Variants in TMEFF2 observed in about 807,000 individuals in gnomAD.
TMEFF2 encodes transmembrane protein with EGF like and two follistatin like domains 2, also known as tomoregulin-2.
TMEFF2 carries 28 observed loss-of-function variants against 53.8 expected under a neutral mutation model. That is an observed-to-expected ratio of 0.52 (90% CI 0.39 to 0.71). The LOEUF is 0.71. TMEFF2 is among the 30% of genes least tolerant of loss of function. The pLI is 0.00. For synonymous variants in TMEFF2, 162 were observed against 166.3 expected (o/e 0.97, Z 0.20); for missense variants, 353 against 455.2 (o/e 0.78, Z 2.04).
intron 4 of TMEFF2, among the ~76,000 whole-genome samples, chr2:192,080,637 G>A (rs556352203): frequency 6.6e-6 from 1 of 152,260 alleles, no homozygotes; most frequent in Non-Finnish European, 1.5e-5. Context: ...CACTGCAACT[G>A]CACAAATTTT....
intron 7 of TMEFF2, among the ~76,000 whole-genome samples, chr2:191,972,890 A>G (rs1270435132): frequency 1.3e-5 from 2 of 152,182 alleles, no homozygotes; most frequent in African/African-American, 4.8e-5. Context: ...GGGTATGTCT[A>G]CAGTAGAATT....
At position 192,024,790 on chromosome 2, in the gene TMEFF2, A is replaced by C. The variant is rs189430931; in HGVS notation, c.537-25582T>G. ...CATTTTAAATTAAGCATCTATTTCT[A>C]TGTCAATGACTGTTGAAATGCTGTA... On this transcript the variant is annotated intron_variant, in intron 5 of 9. Coordinates refer to ENST00000272771, the MANE Select transcript of TMEFF2 (RefSeq NM_016192.4). 9.8e-5 allele frequency among the ~76,000 whole-genome samples: 15 copies of C among 152,340 alleles called. No homozygotes were observed. In the East Asian group the frequency reaches 2.7e-3, roughly 27 times the overall value.
At chr2:192,127,471 T>C (rs1028310447) in intron 4 of TMEFF2, among the ~76,000 whole-genome samples, 10 of 152,144 alleles carry the variant, frequency 6.6e-5, no homozygotes, top group African/African-American at 2.4e-4. Flanking sequence ...ATGTAAAAAT[T>C]ATTGCATTTG....
chr2:192,118,383 C>T (rs1689467770), intron 4 of TMEFF2, among the ~76,000 whole-genome samples: 1 of 152,128 alleles, frequency 6.6e-6, no homozygotes, highest in South Asian at 2.1e-4. Flanking sequence ...GTAACTACTC[C>T]TCCATAATAG....
At chr2:192,049,549 G>A (rs2105894784) in intron 5 of TMEFF2, among the ~76,000 whole-genome samples, 1 of 152,278 alleles carries the variant, frequency 6.6e-6, no homozygotes, top group South Asian at 2.1e-4. Flanking sequence ...CCTGAGTGTG[G>A]AGACAGGAAT....
At chr2:192,106,717 A>G (rs921360809) in intron 4 of TMEFF2, among the ~76,000 whole-genome samples, 5 of 151,878 alleles carry the variant, frequency 3.3e-5, no homozygotes, top group African/African-American at 1.2e-4. Flanking sequence ...AAGTTCCAAG[A>G]TGAATATATT....
chr2:192,048,845 G>A (rs1687690848), intron 5 of TMEFF2, among the ~76,000 whole-genome samples: 1 of 152,196 alleles, frequency 6.6e-6, no homozygotes, highest in African/African-American at 2.4e-5. Context: ...AGGTTTTGGT[G>A]AAGGTATGTC....
intron 7 of TMEFF2, among the ~76,000 whole-genome samples, chr2:191,973,017 T>C (rs1692693003): frequency 6.6e-6 from 1 of 152,174 alleles, no homozygotes; most frequent in Non-Finnish European, 1.5e-5. Context: ...CTACGTGATA[T>C]CTAAAGTAGG....
intron 4 of TMEFF2, among the ~76,000 whole-genome samples, chr2:192,108,358 C>T (rs1392960357): frequency 6.6e-6 from 1 of 151,832 alleles, no homozygotes; most frequent in African/African-American, 2.4e-5. Context: ...GTATGAAAGA[C>T]AGGGCATTAT....
At position 191,957,588 on chromosome 2, in the gene TMEFF2, G is replaced by A. The variant is rs568608009; in HGVS notation, c.746-1210C>T. On this transcript the variant is annotated intron_variant, in intron 7 of 9. Coordinates refer to ENST00000272771, the MANE Select transcript of TMEFF2 (RefSeq NM_016192.4). ...CTATTATTTATGATTAAACAGAGCT[G>A]CAAAATATCTATACATCTTTAAGAT... 5.9e-5 allele frequency among the ~76,000 whole-genome samples: 9 copies of A among 152,284 alleles called. No homozygotes were observed. The East Asian group carries it at 1.7e-3, about 29-fold the overall frequency.
chr2:191,951,955 C>G (rs867535927), intron 9 of TMEFF2, among the ~76,000 whole-genome samples: 1 of 151,884 alleles, frequency 6.6e-6, no homozygotes, highest in East Asian at 2.0e-4. Context: ...TTTAGATAAT[C>G]TTGAGCAGCA....
At position 191,956,250 on chromosome 2, in the gene TMEFF2, G is replaced by T. The variant is rs1261484059; in HGVS notation, c.869+5C>A. ...ATTAACTATTCTTGCGAGTAAAAAT[G>T]TTACCTGCAAGATGGCTCCTGCATA... On this transcript the variant is annotated splice_donor_5th_base_variant and intron_variant, in intron 8 of 9. Transcript: ENST00000272771. 6.2e-7 allele frequency: 1 copy of T among 1,603,794 alleles called. No homozygotes were observed. Among genetic ancestry groups the T allele is most frequent in the African/African-American group, 1.3e-5 (1 of 74,310 alleles).
intron 7 of TMEFF2, among the ~76,000 whole-genome samples, chr2:191,964,244 CCTT>C (rs1692354589): frequency 9.5e-6 from 1 of 105,272 alleles, no homozygotes; most frequent in South Asian, 4.1e-4. Context: ...TTCCTTCCTT[CCTT>C]CCTTCCTTCC....
intron 4 of TMEFF2, among the ~76,000 whole-genome samples, chr2:192,104,776 C>T (rs972444082): frequency 6.6e-6 from 1 of 152,030 alleles, no homozygotes; most frequent in Non-Finnish European, 1.5e-5. Flanking sequence ...CCAATACATT[C>T]ATTTCCTATC....
chr2:192,148,113 G>A (rs954412222), intron 4 of TMEFF2, among the ~76,000 whole-genome samples: 4 of 151,956 alleles, frequency 2.6e-5, no homozygotes, highest in East Asian at 1.9e-4. Context: ...GTTGCACAGA[G>A]TATCAATTTG....
At chr2:192,152,184 G>A (rs956260431) in intron 4 of TMEFF2, among the ~76,000 whole-genome samples, 1 of 151,930 alleles carries the variant, frequency 6.6e-6, no homozygotes, top group Non-Finnish European at 1.5e-5. Flanking sequence ...CTGTCCAGCT[G>A]AGAACAACAC....
At chr2:192,130,216 AAAAGT>A (rs1366564729) in intron 4 of TMEFF2, among the ~76,000 whole-genome samples, 1 of 146,342 alleles carries the variant, frequency 6.8e-6, no homozygotes, top group Admixed American at 6.8e-5. Context: ...AGAAAAAAAT[AAAAGT>A]AAGAACTCAG....
chr2:192,035,649 C>T (rs530176519), intron 5 of TMEFF2, among the ~76,000 whole-genome samples: 6 of 152,186 alleles, frequency 3.9e-5, no homozygotes, highest in African/African-American at 7.2e-5. Context: ...TAACTTTTTG[C>T]GACTTCAGTG....
intron 4 of TMEFF2, among the ~76,000 whole-genome samples, chr2:192,060,579 G>T (rs1184803573): frequency 6.6e-6 from 1 of 152,036 alleles, no homozygotes; most frequent in Non-Finnish European, 1.5e-5. Flanking sequence ...TACATGCAGG[G>T]CTGCAATATA....
Sources: allele counts gnomAD v4.1 joint callset (sites outside exome capture counted in the v4.1 genomes callset), GRCh38; gene constraint gnomAD v4.1.1; transcripts MANE v1.5; gene names NCBI Gene and HGNC (gene_info 2026-07-23, HGNC 2026-07-21).